Variants in RPRD1B observed in about 807,000 individuals in gnomAD.
RPRD1B encodes the protein regulation of nuclear pre-mRNA domain-containing protein 1B.
RPRD1B carries 11 observed loss-of-function variants against 41.5 expected under a neutral mutation model. The observed-to-expected ratio is 0.27, with a 90% CI of 0.17 to 0.44. RPRD1B has a LOEUF of 0.44. Ranked by LOEUF, RPRD1B falls within the 20% of genes least tolerant of loss-of-function variation. RPRD1B has a pLI of 1.00. For synonymous variants in RPRD1B, 158 were observed against 155.6 expected, an observed-to-expected ratio of 1.02 and a Z score of -0.12; for missense variants, 248 against 389.9, an observed-to-expected ratio of 0.64 and a Z score of 3.06.
At chr20:38,069,782 A>T (rs541036337) in intron 6 of RPRD1B, among the ~76,000 whole-genome samples, 1 of 152,340 alleles carries the variant, frequency 6.6e-6, no homozygotes, top group African/African-American at 2.4e-5. Context: ...ATAGACCAAG[A>T]AAAAAATGAA....
intron 3 of RPRD1B, among the ~76,000 whole-genome samples, chr20:38,053,082 C>T (rs2074205067): frequency 6.6e-6 from 1 of 152,050 alleles, no homozygotes. Flanking sequence ...GCTACCCCCA[C>T]AGTTTGTCCT....
At chr20:38,053,513 G>T (rs1373080636) in intron 3 of RPRD1B, among the ~76,000 whole-genome samples, 1 of 152,184 alleles carries the variant, frequency 6.6e-6, no homozygotes, top group South Asian at 2.1e-4. Context: ...CTTGCCAGTG[G>T]CCAGAGTAGC....
chr20:38,067,998 C>G (rs528176926), intron 6 of RPRD1B, among the ~76,000 whole-genome samples: 38 of 152,170 alleles, frequency 2.5e-4, no homozygotes, highest in Non-Finnish European at 4.7e-4. Flanking sequence ...TTGAGGAGAT[C>G]GGGTTGGTAG....
chr20:38,058,925 G>C (rs1028737718), intron 4 of RPRD1B, among the ~76,000 whole-genome samples: 18 of 152,002 alleles, frequency 1.2e-4, no homozygotes, highest in Middle Eastern at 3.4e-3. Context: ...TATTGTCCAG[G>C]CTGGTCTCGA....
Position 38,090,039 on chromosome 20 carries a change from T to TCACCATCTCA in RPRD1B, c.*164_*165insCACCATCTCA. On this transcript the variant is annotated 3_prime_UTR_variant, in exon 7 of 7. Transcript: ENST00000373433. ...TGATTCTCCTCTTCAGCCTCTCATC[T>TCACCATCTCA]TGAGCACAGTTCAGAACAGTGGCGA... The TCACCATCTCA allele has an allele frequency of 7.0e-7, 1 of 1,427,690 alleles. No homozygotes were observed. Among genetic ancestry groups the TCACCATCTCA allele is most frequent in the South Asian group, 1.6e-5 (1 of 63,974 alleles). 88.4% of individuals were successfully genotyped at this position (1,427,690 alleles called of 1,614,324 possible). A position where few individuals can be genotyped will look rare whatever the true frequency, so the allele number is the denominator to read the frequency against.
chr20:38,077,156 G>C (rs529204767), intron 6 of RPRD1B, among the ~76,000 whole-genome samples: 18 of 151,740 alleles, frequency 1.2e-4, no homozygotes, highest in Non-Finnish European at 2.5e-4. Flanking sequence ...GACCTCAGGA[G>C]ATCCACCCGC....
At chr20:38,077,577 C>T (rs2074475310) in intron 6 of RPRD1B, among the ~76,000 whole-genome samples, 1 of 152,144 alleles carries the variant, frequency 6.6e-6, no homozygotes, top group Admixed American at 6.5e-5. Flanking sequence ...GACCTCCCAC[C>T]ACCATCTTCC....
At chr20:38,045,267 C>G (rs1018771568) in intron 2 of RPRD1B, among the ~76,000 whole-genome samples, 18 of 152,184 alleles carry the variant, frequency 1.2e-4, no homozygotes, top group African/African-American at 4.3e-4. Flanking sequence ...AAAGATTTCT[C>G]AGTTTAGATT....
intron 6 of RPRD1B, among the ~76,000 whole-genome samples, chr20:38,078,417 T>C (rs1253932638): frequency 6.6e-6 from 1 of 152,178 alleles, no homozygotes; most frequent in Non-Finnish European, 1.5e-5. Context: ...CATTTGTATC[T>C]CATGTCAAAC....
At chr20:38,073,180 T>C (rs2074428122) in intron 6 of RPRD1B, among the ~76,000 whole-genome samples, 1 of 152,086 alleles carries the variant, frequency 6.6e-6, no homozygotes, top group Admixed American at 6.5e-5. Flanking sequence ...CCCAAGAATC[T>C]TGTTGTAGAG....
In RPRD1B at chr20:38,067,245, T is replaced by G. The variant is rs139832765; in HGVS notation, c.831+989T>G. 8.4e-3 allele frequency among the ~76,000 whole-genome samples: 1,272 copies of G among 152,244 alleles called. 10 individuals carry two copies. Among genetic ancestry groups the G allele is most frequent in the African/African-American group, 0.025 (1,043 of 41,540 alleles). Reference sequence around the variant, plus strand: ...GGATAACAGAGCCAGCAGTGTGGATTTTTGGGAACTTTGCTGCCCCGGGCT... The same window carrying G: ...GGATAACAGAGCCAGCAGTGTGGATGTTTGGGAACTTTGCTGCCCCGGGCT... On this transcript the variant is annotated intron_variant, in intron 6 of 6. Transcript: ENST00000373433.
At chr20:38,074,495 G>A (rs190469985) in intron 6 of RPRD1B, among the ~76,000 whole-genome samples, 5 of 152,276 alleles carry the variant, frequency 3.3e-5, no homozygotes, top group East Asian at 1.9e-4. Context: ...AAAGTGACAC[G>A]GTTTTAAGGC....
At chr20:38,054,446 C>T (rs2074219931) in intron 3 of RPRD1B, among the ~76,000 whole-genome samples, 1 of 152,162 alleles carries the variant, frequency 6.6e-6, no homozygotes. Context: ...TCTTGTAATG[C>T]TGTTCGTGAG....
At chr20:38,065,011 G>A (rs1422653297) in intron 5 of RPRD1B, among the ~76,000 whole-genome samples, 1 of 151,648 alleles carries the variant, frequency 6.6e-6, no homozygotes. Context: ...AGATAAAATA[G>A]AAGATAGAGC....
At chr20:38,035,600 C>T (rs1227320186) in intron 1 of RPRD1B, among the ~76,000 whole-genome samples, 3 of 152,162 alleles carry the variant, frequency 2.0e-5, no homozygotes, top group Non-Finnish European at 4.4e-5. Context: ...TCGGGCAGTT[C>T]CGGGAAGAGG....
At chr20:38,040,680 T>G in intron 2 of RPRD1B, 116 bp downstream of exon 2, 5 of 1,098,698 alleles carry the variant, frequency 4.6e-6, no homozygotes, top group Non-Finnish European at 6.4e-6. Flanking sequence ...TACAGAGAGT[T>G]GTGGAGGCCG....
intron 6 of RPRD1B, among the ~76,000 whole-genome samples, chr20:38,087,911 G>A (rs1430857264): frequency 2.0e-5 from 3 of 152,166 alleles, no homozygotes; most frequent in African/African-American, 7.2e-5. Flanking sequence ...CTGTTTGCTG[G>A]ACACTGCGGA....
At chr20:38,076,905 C>CTTTT (rs1568660539) in intron 6 of RPRD1B, among the ~76,000 whole-genome samples, 2 of 95,204 alleles carry the variant, frequency 2.1e-5, no homozygotes, top group African/African-American at 8.2e-5. Flanking sequence ...TCATTCTGGA[C>CTTTT]CTTTTTTTTT....
chr20:38,046,073 T>C (rs971757777), intron 2 of RPRD1B, among the ~76,000 whole-genome samples: 1 of 152,196 alleles, frequency 6.6e-6, no homozygotes, highest in Admixed American at 6.5e-5. Context: ...GGCTATTCCA[T>C]TTGAAGGAGA....
Sources: gnomAD v4.1 joint callset for allele counts (sites outside exome capture counted in the v4.1 genomes callset) on GRCh38, gnomAD v4.1.1 for gene constraint, MANE v1.5 for transcripts, NCBI Gene and HGNC (gene_info 2026-07-23, HGNC 2026-07-21) for gene names.